Variants in TM9SF2 observed in about 807,000 individuals in gnomAD.
The protein encoded by TM9SF2 is transmembrane 9 superfamily member 2.
In TM9SF2, 13 loss-of-function variants were observed where a neutral mutation model predicts 84.9. The ratio of observed to expected loss-of-function variants is 0.15; its 90% CI spans 0.10 to 0.24. TM9SF2 has a LOEUF of 0.24. Among genes scored for constraint, TM9SF2 ranks in the 10% least tolerant of loss-of-function variants. The probability of loss-of-function intolerance (pLI) is 1.00; values close to 1 mark genes in which losing one functional copy is unlikely to be tolerated. For missense variants in TM9SF2, 562 were observed against 818.5 expected, an observed-to-expected ratio of 0.69 and a Z score of 3.82; for synonymous variants, 273 against 285.8, an observed-to-expected ratio of 0.96 and a Z score of 0.45.
chr13:99,555,103 A>G (rs576875764), intron 14 of TM9SF2, among the ~76,000 whole-genome samples: 1 of 152,364 alleles, frequency 6.6e-6, no homozygotes, highest in African/African-American at 2.4e-5. Context: ...ACAGAAAGTT[A>G]GAACTAAATT....
In TM9SF2 at chr13:99,543,803, T is replaced by TA. The variant is rs1394429011; in HGVS notation, c.1018-60_1018-59insA. On this transcript the variant is annotated intron_variant, in intron 9 of 16. Transcript: ENST00000376387. The stretch of plus-strand genomic sequence containing the variant: ...ACAGCATATTCAACAGTGAACAAAC[T>TA]GTCTATAGTTGTCTTGTTGATACCA... The TA allele has an allele frequency of 2.3e-5, 36 of 1,553,820 alleles. No individual in the cohort carries two copies. In the East Asian group the frequency reaches 5.0e-4, roughly 21 times the overall value.
chr13:99,554,333 G>A lies in TM9SF2; in HGVS notation c.1518G>A (p.Gln506=). The A allele has an allele frequency of 6.2e-7, 1 of 1,613,984 alleles. No individual in the cohort carries two copies. The highest frequency in any genetic ancestry group is 1.1e-5 in the South Asian group (1 of 91,036). ...TTGAACACCCAGTTCGAACCAATCA[G>A]ATTCCACGTCAGATTCCTGAACAGT... The part of the protein sequence containing the change: ...NAIEHPVRTN[Q]IPRQIPEQSF... Residue 506 remains glutamine (Q), a synonymous_variant, in exon 14 of 17, where the codon CAG becomes CAA. Coordinates refer to ENST00000376387, the MANE Select transcript of TM9SF2 (RefSeq NM_004800.3).
At chr13:99,547,354 T>A (rs1213134939) in intron 11 of TM9SF2, among the ~76,000 whole-genome samples, 3 of 152,230 alleles carry the variant, frequency 2.0e-5, no homozygotes, top group Non-Finnish European at 4.4e-5. Flanking sequence ...CCCTCTTTTT[T>A]TCTTTAAGCT....
intron 15 of TM9SF2, 37 bp from the exon 16 acceptor site, chr13:99,559,326 G>A: frequency 6.6e-7 from 1 of 1,518,598 alleles, no homozygotes; most frequent in East Asian, 2.3e-5. Flanking sequence ...TCTATTAATT[G>A]GAATGTAATT....
At chr13:99,546,212 TAGG>T (rs1270228674) in intron 10 of TM9SF2, among the ~76,000 whole-genome samples, 4 of 152,002 alleles carry the variant, frequency 2.6e-5, no homozygotes, top group African/African-American at 4.8e-5. Flanking sequence ...GGGGAAACAA[TAGG>T]GGGGGAAACA....
chr13:99,513,937 C>T lies in TM9SF2; in HGVS notation c.172-3677C>T, dbSNP rs190399660. On this transcript the variant is annotated intron_variant, in intron 1 of 16. Coordinates refer to ENST00000376387, the MANE Select transcript of TM9SF2 (RefSeq NM_004800.3). ...TAAGACATTACTCTCTGGCCCTTTA[C>T]AGGAAAAGTTTGCCAGCCTCTTGGA... Among the ~76,000 whole-genome samples, 146 of 152,238 alleles carry T rather than the reference C, an allele frequency of 9.6e-4. 1 individual carries two copies. Among genetic ancestry groups the T allele is most frequent in the Non-Finnish European group, 1.5e-3 (100 of 68,022 alleles).
At chr13:99,502,801 CTTAT>C (rs1291740292) in intron 1 of TM9SF2, among the ~76,000 whole-genome samples, 2 of 152,054 alleles carry the variant, frequency 1.3e-5, no homozygotes, top group African/African-American at 4.8e-5. Flanking sequence ...TATAAATAGG[CTTAT>C]TTATTAAGTT....
intron 15 of TM9SF2, 73 bp from the exon 16 acceptor site, chr13:99,559,290 T>G: frequency 7.4e-7 from 1 of 1,345,690 alleles, no homozygotes; most frequent in South Asian, 1.6e-5. Context: ...TTATGCTTGC[T>G]TTGAACCTTA....
chr13:99,513,524 G>T (rs1367380094), intron 1 of TM9SF2, among the ~76,000 whole-genome samples: 1 of 152,170 alleles, frequency 6.6e-6, no homozygotes, highest in East Asian at 1.9e-4. Flanking sequence ...AAATTTATAT[G>T]CCCTGAGACA....
Position 99,560,251 on chromosome 13 carries a change from A to C in TM9SF2, c.1924+717A>C, listed in dbSNP as rs533690606. Reference sequence around the variant, plus strand: ...TGTCATGGAAGAAAATGCAGGAGCCAAAAAGAAAAAAGAACAAGTTTTTTT... The same window carrying C: ...TGTCATGGAAGAAAATGCAGGAGCCCAAAAGAAAAAAGAACAAGTTTTTTT... On this transcript the variant is annotated intron_variant, in intron 16 of 16. Coordinates refer to ENST00000376387, the MANE Select transcript of TM9SF2 (RefSeq NM_004800.3). 5.9e-5 allele frequency among the ~76,000 whole-genome samples: 9 copies of C among 152,326 alleles called. No homozygotes were observed. In the East Asian group the frequency reaches 1.7e-3, roughly 29 times the overall value.
intron 1 of TM9SF2, among the ~76,000 whole-genome samples, chr13:99,503,928 C>T (rs7320895): frequency 0.025 from 3,764 of 152,150 alleles, 163 homozygotes; most frequent in African/African-American, 0.086. Flanking sequence ...ACAGGCAGAG[C>T]AGATCATTTT....
chr13:99,541,369 T>C (rs1193656212), intron 8 of TM9SF2, among the ~76,000 whole-genome samples, 190 bp from the exon 9 acceptor site: 1 of 152,258 alleles, frequency 6.6e-6, no homozygotes, highest in African/African-American at 2.4e-5. Context: ...ATGATAAGTA[T>C]ATAATGTTAT....
intron 1 of TM9SF2, among the ~76,000 whole-genome samples, chr13:99,513,285 G>A (rs1422951480): frequency 6.6e-6 from 1 of 152,186 alleles, no homozygotes; most frequent in Non-Finnish European, 1.5e-5. Flanking sequence ...TGAGAATAGG[G>A]CAAGGTCCTG....
intron 4 of TM9SF2, 150 bp from the exon 5 acceptor site, chr13:99,536,458 A>G (rs1340637621): frequency 6.5e-6 from 6 of 929,614 alleles, no homozygotes; most frequent in Non-Finnish European, 9.6e-6. Context: ...CTTATGAAAT[A>G]GCACATTTCA....
chr13:99,542,843 G>C (rs2046266646), intron 9 of TM9SF2, among the ~76,000 whole-genome samples: 1 of 152,112 alleles, frequency 6.6e-6, no homozygotes. Flanking sequence ...TGGTGACTCT[G>C]CTTCCACAAC....
intron 1 of TM9SF2, among the ~76,000 whole-genome samples, chr13:99,515,289 A>C (rs1158282521): frequency 6.6e-6 from 1 of 152,226 alleles, no homozygotes; most frequent in Non-Finnish European, 1.5e-5. Flanking sequence ...GAATTCTGAC[A>C]TATCTTCATA....
At chr13:99,547,224 C>G (rs2046286629) in intron 11 of TM9SF2, 120 bp downstream of exon 11, 1 of 1,391,934 alleles carries the variant, frequency 7.2e-7, no homozygotes, top group African/African-American at 1.4e-5. Flanking sequence ...GGGGTCTGTT[C>G]TTAGTTAAAA....
At position 99,529,562 on chromosome 13, in the gene TM9SF2, A is replaced by G. The variant is rs2046198918; in HGVS notation, c.429A>G (p.Lys143=). The change falls in exon 4 of 17, where the codon AAA becomes AAG. Residue 143 remains lysine, a synonymous_variant. Transcript: ENST00000376387. ...ACAAACAAAAGTTAGAATTCTTGAAAAAAAGCATGTTATTGAATTATCAAC... is the reference window on the plus strand; with the variant it reads ...ACAAACAAAAGTTAGAATTCTTGAAGAAAAGCATGTTATTGAATTATCAAC... ...AEDKQKLEFL[K]KSMLLNYQHH... 3.1e-6 allele frequency: 5 copies of G among 1,587,764 alleles called. No individual in the cohort carries two copies. In the Admixed American group the frequency reaches 7.4e-5, roughly 24 times the overall value.
chr13:99,505,576 G>C (rs1485034068), intron 1 of TM9SF2, among the ~76,000 whole-genome samples: 1 of 152,178 alleles, frequency 6.6e-6, no homozygotes, highest in East Asian at 1.9e-4. Context: ...ATTGAGCTAT[G>C]GTATTCCTTT....
Sources: allele counts gnomAD v4.1 joint callset (sites outside exome capture counted in the v4.1 genomes callset), GRCh38; gene constraint gnomAD v4.1.1; transcripts MANE v1.5; gene names NCBI Gene and HGNC (gene_info 2026-07-23, HGNC 2026-07-21).